The following SYCP1 variants were observed in gnomAD, a reference collection of about 807,000 sequenced individuals.
The protein encoded by SYCP1 is synaptonemal complex protein 1, also known as cancer/testis antigen 8.
A neutral mutation model predicts 153.1 loss-of-function variants in SYCP1; 64 were observed. The ratio of observed to expected loss-of-function variants is 0.42; its 90% confidence interval spans 0.34 to 0.51. The LOEUF (loss-of-function observed/expected upper bound fraction) is 0.51. SYCP1 is among the 20% of genes least tolerant of loss of function. The pLI is 0.06. For synonymous variants in SYCP1, 384 were observed against 341.8 expected (o/e 1.12, Z -1.36); for missense variants, 997 against 1,049.0 (o/e 0.95, Z 0.68).
chr1:114,951,329 TAAAG>T (rs897829822), intron 27 of SYCP1, among the ~76,000 whole-genome samples: 4 of 152,030 alleles, frequency 2.6e-5, no homozygotes, highest in Non-Finnish European at 2.9e-5. Context: ...TCAAGAAAGA[TAAAG>T]AAAGAATACC....
chr1:114,878,798 C>T (rs1174337792), intron 12 of SYCP1, among the ~76,000 whole-genome samples: 3 of 152,228 alleles, frequency 2.0e-5, no homozygotes, highest in Non-Finnish European at 2.9e-5. Context: ...CCGCCTCAGC[C>T]TCCCAAAGTT....
At position 114,944,400 on chromosome 1, in the gene SYCP1, C is replaced by T. The variant is rs780738551; in HGVS notation, c.1988C>T (p.Thr663Ile). 1 of 1,604,104 alleles carries T rather than the reference C, an allele frequency of 6.2e-7. No individual in the cohort carries two copies. Among genetic ancestry groups the T allele is most frequent in the South Asian group, 1.1e-5 (1 of 89,178 alleles). The stretch of plus-strand genomic sequence containing the variant: ...CAGAAATTTGGAGAAATCACAGACA[C>T]CTATCAGAAAGAAATTGAGGACAAA... ...AKQKFGEITD[T>I]YQKEIEDKKI... Residue 663 changes from threonine (T) to isoleucine (I), a missense_variant, in exon 24 of 32, where the codon ACC (threonine) becomes ATC (isoleucine). Thr to Ile is a moderately conservative substitution (Grantham distance 89, BLOSUM62 -1). This residue lies in a region of SYCP1 where 712 missense variants were observed against 682.9 expected (regional missense o/e 1.04). Coordinates refer to ENST00000369522, the MANE Select transcript of SYCP1 (RefSeq NM_003176.4).
At chr1:114,967,150 G>A (rs1458200328) in intron 27 of SYCP1, among the ~76,000 whole-genome samples, 1 of 152,176 alleles carries the variant, frequency 6.6e-6, no homozygotes, top group Non-Finnish European at 1.5e-5. Context: ...TGTATATTCT[G>A]TTGCTTTGGG....
chr1:114,966,392 G>T (rs1672129793), intron 27 of SYCP1, among the ~76,000 whole-genome samples: 1 of 151,960 alleles, frequency 6.6e-6, no homozygotes, highest in South Asian at 2.1e-4. Flanking sequence ...GCCAGCTTTT[G>T]AATCTGTTTG....
chr1:114,982,540 AT>A (rs1428867489), intron 29 of SYCP1, among the ~76,000 whole-genome samples: 2 of 151,446 alleles, frequency 1.3e-5, no homozygotes, highest in African/African-American at 4.8e-5. Context: ...GTATTTTTTA[AT>A]TCCAGAATTT....
At chr1:114,898,161 G>A (rs553834629) in intron 16 of SYCP1, among the ~76,000 whole-genome samples, 15 of 152,142 alleles carry the variant, frequency 9.9e-5, no homozygotes, top group Non-Finnish European at 2.1e-4. Flanking sequence ...CCCAAAGCTT[G>A]GAATTGAGTT....
At position 114,947,325 on chromosome 1, in the gene SYCP1, G is replaced by A. The variant is rs764652013; in HGVS notation, c.2322+5G>A. On this transcript the variant is annotated splice_donor_5th_base_variant and intron_variant, in intron 27 of 31. Transcript: ENST00000369522. The stretch of plus-strand genomic sequence containing the variant: ...GAAATAGAAAGAGAAGAGAAGGTAG[G>A]TTTTTTGGCATTATAGATAAAATGA... 29 of 1,609,600 alleles carry A rather than the reference G, an allele frequency of 1.8e-5. No individual in the cohort carries two copies. Among genetic ancestry groups the A allele is most frequent in the Admixed American group, 6.7e-5 (4 of 59,334 alleles).
intron 27 of SYCP1, among the ~76,000 whole-genome samples, chr1:114,962,853 GT>G (rs1671868073): frequency 6.6e-6 from 1 of 152,134 alleles, no homozygotes; most frequent in Admixed American, 6.5e-5. Flanking sequence ...AGTTATTGTA[GT>G]GCTAACTTGG....
chr1:114,937,144 A>G (rs1670067143), intron 23 of SYCP1, among the ~76,000 whole-genome samples: 1 of 152,234 alleles, frequency 6.6e-6, no homozygotes, highest in African/African-American at 2.4e-5. Context: ...ACTTCAAACT[A>G]TACTACAAGG....
At chr1:114,865,160 T>C (rs1385873227) in intron 8 of SYCP1, among the ~76,000 whole-genome samples, 1 of 152,174 alleles carries the variant, frequency 6.6e-6, no homozygotes, top group African/African-American at 2.4e-5. Flanking sequence ...TGTATGAACA[T>C]AATAAACATA....
chr1:114,932,456 G>T (rs1412119519), intron 23 of SYCP1, among the ~76,000 whole-genome samples: 1 of 152,158 alleles, frequency 6.6e-6, no homozygotes, highest in African/African-American at 2.4e-5. Flanking sequence ...TGGCTGAATA[G>T]GAACAGCTCC....
rs561922021 is a variant in SYCP1, at chr1:114,859,932, G to A, written c.524+122G>A. ...GTTATATCATATGAATTTATAAGTA[G>A]AATTATATCTGAGTGCTATGGAAAA... On this transcript the variant is annotated intron_variant, in intron 7 of 31. Coordinates refer to ENST00000369522, the MANE Select transcript of SYCP1 (RefSeq NM_003176.4). The A allele has an allele frequency of 4.4e-5, 14 of 315,676 alleles. No homozygotes were observed. In the East Asian group the frequency reaches 1.9e-3, roughly 43 times the overall value. 19.6% of individuals were successfully genotyped at this position (315,676 alleles called of 1,614,324 possible).
chr1:114,857,237 G>A lies in SYCP1; in HGVS notation c.199G>A (p.Ala67Thr). The A allele has an allele frequency of 1.3e-6, 2 of 1,598,948 alleles. No homozygotes were observed. The highest frequency in any genetic ancestry group is 1.7e-6 in the Non-Finnish European group (2 of 1,172,328). The change falls in exon 4 of 32, where the codon GCT becomes ACT. Residue 67 changes from alanine to threonine, a missense_variant. Ala to Thr is a moderately conservative substitution (Grantham distance 58, BLOSUM62 0). Transcript: ENST00000369522. ...TGTTGTCTTTTATCTTGCAGATCCT[G>A]CTTTACAAAAAGTTAATTTCTTGCC... ...KNGENIDSDPALQKVNFLPVL... is the reference protein window; with the variant it reads ...KNGENIDSDPTLQKVNFLPVL...
chr1:114,953,012 A>G (rs1189446395), intron 27 of SYCP1, among the ~76,000 whole-genome samples: 1 of 152,200 alleles, frequency 6.6e-6, no homozygotes, highest in Admixed American at 6.5e-5. Context: ...CATCCTCCAG[A>G]GAGAGAAATG....
At chr1:114,885,473 A>G in intron 12 of SYCP1, 62 bp from the exon 13 acceptor site, 1 of 949,624 alleles carries the variant, frequency 1.1e-6, no homozygotes, top group Non-Finnish European at 1.6e-6. Flanking sequence ...CACAAATAAT[A>G]CTTAGTTTTC....
intron 8 of SYCP1, among the ~76,000 whole-genome samples, chr1:114,870,753 T>C (rs993967727): frequency 2.0e-5 from 3 of 152,180 alleles, no homozygotes; most frequent in African/African-American, 7.2e-5. Context: ...TAGATGTGAT[T>C]TTACATTTAA....
In SYCP1 at chr1:114,895,480, G is replaced by A. The variant is rs1481812171; in HGVS notation, c.1291G>A (p.Val431Ile). The change falls in exon 16 of 32, where the codon GTA (valine) becomes ATA (isoleucine). Residue 431 changes from valine (V) to isoleucine (I), a missense_variant. By Grantham distance (29) the Val-to-Ile change is conservative (BLOSUM62 3). Transcript: ENST00000369522. The part of the protein sequence containing the change: ...EMTKLTNNKE[V>I]ELEELKKVLG... ...GACTAAGCTTACAAATAACAAAGAA[G>A]TAGAACTTGAAGAATTGAAAAAAGT... 2.6e-6 allele frequency: 4 copies of A among 1,527,300 alleles called. No individual in the cohort carries two copies. Among genetic ancestry groups the A allele is most frequent in the Non-Finnish European group, 3.6e-6 (4 of 1,122,220 alleles). The allele number at this position is 1,527,300 out of a possible 1,614,324, so 94.6% of individuals were successfully genotyped here.
chr1:114,868,131 CTT>C (rs771791862), intron 8 of SYCP1, among the ~76,000 whole-genome samples: 20 of 141,672 alleles, frequency 1.4e-4, no homozygotes, highest in Admixed American at 1.4e-4. Context: ...TTTTTTTATA[CTT>C]TTTTTTTTTT....
intron 27 of SYCP1, among the ~76,000 whole-genome samples, chr1:114,971,216 C>A (rs1034106902): frequency 2.6e-5 from 4 of 152,100 alleles, no homozygotes; most frequent in Non-Finnish European, 5.9e-5. Context: ...TAGAGAAAAA[C>A]CATCAGGTGG....
Sources: gnomAD v4.1 joint callset for allele counts (sites outside exome capture counted in the v4.1 genomes callset) on GRCh38, gnomAD v4.1.1 for gene constraint, gnomAD v4.1.1 regional missense constraint, MANE v1.5 for transcripts, NCBI Gene and HGNC (gene_info 2026-07-23, HGNC 2026-07-21) for gene names.